The following ARHGEF9 variants were observed in gnomAD, a reference collection of about 807,000 sequenced individuals.
The protein encoded by ARHGEF9 is rho guanine nucleotide exchange factor 9.
A neutral mutation model predicts 41.3 loss-of-function variants in ARHGEF9; 2 were observed. The observed-to-expected ratio is 0.05, with a 90% CI of 0.02 to 0.15. The LOEUF is 0.15. Among genes scored for constraint, ARHGEF9 ranks in the 10% least tolerant of loss-of-function variants. ARHGEF9 has a pLI of 1.00. For missense variants in ARHGEF9, 225 were observed against 424.7 expected (o/e 0.53, Z 4.13); for synonymous variants, 160 against 154.4 (o/e 1.04, Z -0.27).
chrX:63,708,266 T>C (rs6653180), intron 2 of ARHGEF9, among the ~76,000 whole-genome samples: 3,031 of 112,217 alleles, frequency 0.027, 95 homozygotes, highest in African/African-American at 0.093. Context: ...CAAGCTAAAC[T>C]CTGCTATGGA....
intron 8 of ARHGEF9, among the ~76,000 whole-genome samples, chrX:63,646,871 G>A (rs1448210447): frequency 9.0e-6 from 1 of 111,650 alleles, no homozygotes; most frequent in African/African-American, 3.3e-5. Context: ...AGCATGGAAT[G>A]TTCTTCCACT....
At chrX:63,722,304 A>G (rs1293924166) in intron 2 of ARHGEF9, among the ~76,000 whole-genome samples, 1 of 111,653 alleles carries the variant, frequency 9.0e-6, no homozygotes, top group African/African-American at 3.3e-5. Context: ...GGGAATGAAG[A>G]TACCTCACCA....
At chrX:63,739,072 C>T (rs1305139814) in intron 1 of ARHGEF9, among the ~76,000 whole-genome samples, 1 of 111,705 alleles carries the variant, frequency 9.0e-6, no homozygotes, top group Admixed American at 9.5e-5. Context: ...TGGATTATTT[C>T]CATAATCTTA....
chrX:63,659,797 C>T (rs782509050), intron 7 of ARHGEF9, among the ~76,000 whole-genome samples: 2 of 111,519 alleles, frequency 1.8e-5, no homozygotes, highest in South Asian at 7.6e-4. Context: ...ATATTATGTA[C>T]CATGTACTGT....
intron 1 of ARHGEF9, chrX:63,754,144 G>A (rs2055827869): frequency 1.8e-6 from 1 of 571,054 alleles, no homozygotes; most frequent in Non-Finnish European, 2.9e-6. Context: ...CGCAGAGCTT[G>A]CTCCATGAAC....
At chrX:63,752,331 G>C (rs1424820653) in intron 1 of ARHGEF9, among the ~76,000 whole-genome samples, 1 of 108,877 alleles carries the variant, frequency 9.2e-6, no homozygotes, top group Non-Finnish European at 1.9e-5. Context: ...GAAAAAAATT[G>C]TCCAAGGTCA....
chrX:63,767,588 T>C (rs1432410216), intron 1 of ARHGEF9, among the ~76,000 whole-genome samples: 1 of 112,192 alleles, frequency 8.9e-6, no homozygotes, highest in Non-Finnish European at 1.9e-5. Context: ...TAAAGTTCTT[T>C]AGTTAAAAAA....
intron 1 of ARHGEF9, among the ~76,000 whole-genome samples, chrX:63,770,249 C>A (rs782669715): frequency 3.6e-5 from 4 of 112,643 alleles, no homozygotes; most frequent in Admixed American, 9.3e-5. Flanking sequence ...CCTCTTACAT[C>A]AGCGTAACTG....
At chrX:63,674,347 A>G (rs1271537489) in intron 5 of ARHGEF9, among the ~76,000 whole-genome samples, 180 bp from the exon 6 acceptor site, 1 of 112,381 alleles carries the variant, frequency 8.9e-6, no homozygotes, top group Non-Finnish European at 1.9e-5. Context: ...AAAAATGACT[A>G]TGCAAGTAAG....
At chrX:63,690,728 A>T (rs1203547740) in intron 4 of ARHGEF9, among the ~76,000 whole-genome samples, 2 of 111,925 alleles carry the variant, frequency 1.8e-5, no homozygotes, top group Non-Finnish European at 3.8e-5. Flanking sequence ...AGATGCAAAA[A>T]TTCCAAACAA....
intron 2 of ARHGEF9, among the ~76,000 whole-genome samples, chrX:63,720,975 G>A (rs1453939503): frequency 7.2e-5 from 8 of 111,816 alleles, no homozygotes; most frequent in Admixed American, 5.7e-4. Flanking sequence ...CACTTTTGCT[G>A]TCTTTAGATG....
intron 4 of ARHGEF9, among the ~76,000 whole-genome samples, chrX:63,680,166 C>T (rs2050526366): frequency 8.9e-6 from 1 of 111,981 alleles, no homozygotes. Flanking sequence ...GGAAATATCG[C>T]CTTCCTTTCT....
chrX:63,669,863 G>A (rs782578609), intron 6 of ARHGEF9, among the ~76,000 whole-genome samples: 2 of 112,101 alleles, frequency 1.8e-5, no homozygotes, highest in South Asian at 7.4e-4. Context: ...ATAAATCAAT[G>A]AGAGTGGAAA....
intron 8 of ARHGEF9, among the ~76,000 whole-genome samples, chrX:63,644,944 T>C (rs1257041059): frequency 9.2e-6 from 1 of 108,477 alleles, no homozygotes; most frequent in Non-Finnish European, 1.9e-5. Context: ...TGTTTTTTAA[T>C]TGTTATTTTT....
At chrX:63,640,190 A>C (rs1446820929) in intron 9 of ARHGEF9, 1 of 112,501 alleles carries the variant, frequency 8.9e-6, no homozygotes, top group Non-Finnish European at 1.9e-5. Context: ...TGATCATTAC[A>C]CATTGTATGC....
At chrX:63,727,255 C>T (rs2054028095) in intron 1 of ARHGEF9, 1 of 111,930 alleles carries the variant, frequency 8.9e-6, no homozygotes, top group South Asian at 3.7e-4. Flanking sequence ...TGGCTGATTC[C>T]ACTGTCTATA....
At chrX:63,664,632 T>G (rs2049409759) in intron 7 of ARHGEF9, among the ~76,000 whole-genome samples, 1 of 112,210 alleles carries the variant, frequency 8.9e-6, no homozygotes, top group African/African-American at 3.2e-5. Flanking sequence ...AAAAGAAGCA[T>G]TAGTGTTTGG....
At chrX:63,655,767 G>T (rs55880123) in intron 7 of ARHGEF9, 30 bp from the exon 8 acceptor site, 10 of 1,201,489 alleles carry the variant, frequency 8.3e-6, no homozygotes, top group Non-Finnish European at 1.1e-5. Flanking sequence ...TTTCTTGAAG[G>T]TATGTGCACG....
intron 1 of ARHGEF9, among the ~76,000 whole-genome samples, chrX:63,757,781 CTT>C (rs2055961290): frequency 8.9e-6 from 1 of 112,326 alleles, no homozygotes; most frequent in African/African-American, 3.2e-5. Flanking sequence ...CAGTTTTGCT[CTT>C]GTCAATCTTG....
Sources: allele counts gnomAD v4.1 joint callset (sites outside exome capture counted in the v4.1 genomes callset), GRCh38; gene constraint gnomAD v4.1.1; transcripts MANE v1.5; gene names NCBI Gene and HGNC (gene_info 2026-07-23, HGNC 2026-07-21).